SNX29: variants seen among roughly 807,000 people sequenced by gnomAD.
SNX29 encodes sorting nexin 29, also known as sorting nexin-29.
In SNX29, 78 loss-of-function variants were observed where a neutral mutation model predicts 102.1. That is an observed-to-expected ratio of 0.76 (90% CI 0.64 to 0.92). SNX29 has a LOEUF of 0.92. Among genes scored for constraint, SNX29 ranks in the 40% least tolerant of loss-of-function variants. SNX29 has a pLI of 0.00. For synonymous variants in SNX29, 580 were observed against 414.5 expected (o/e 1.40, Z -4.85); for missense variants, 1,280 against 1,061.7 (o/e 1.21, Z -2.86).
At chr16:12,522,927 C>T (rs552270788) in intron 19 of SNX29, among the ~76,000 whole-genome samples, 1 of 152,358 alleles carries the variant, frequency 6.6e-6, no homozygotes, top group East Asian at 1.9e-4. Context: ...CCTCCTGCTG[C>T]AGCCACCCAT....
intron 20 of SNX29, among the ~76,000 whole-genome samples, chr16:12,567,745 G>A (rs1040099429): frequency 2.0e-5 from 3 of 152,292 alleles, no homozygotes; most frequent in Admixed American, 6.5e-5. Context: ...ACCTGGGCAA[G>A]AGTCGAGACT....
At chr16:12,292,125 C>T (rs1219496236) in intron 15 of SNX29, among the ~76,000 whole-genome samples, 1 of 152,070 alleles carries the variant, frequency 6.6e-6, no homozygotes, top group African/African-American at 2.4e-5. Flanking sequence ...CTGGGCTTTG[C>T]AGGTAGAATA....
At chr16:12,430,762 G>T (rs1004815558) in intron 18 of SNX29, among the ~76,000 whole-genome samples, 1 of 152,124 alleles carries the variant, frequency 6.6e-6, no homozygotes, top group African/African-American at 2.4e-5. Context: ...TAGAGAAGCT[G>T]CGGTGGGAGA....
chr16:12,439,936 G>T (rs780670573), intron 18 of SNX29, among the ~76,000 whole-genome samples: 1 of 152,182 alleles, frequency 6.6e-6, no homozygotes, highest in Non-Finnish European at 1.5e-5. Flanking sequence ...GGTTCAGCTG[G>T]CTGGCCAAAC....
rs139022380 is a variant in SNX29 at position 12,328,254 on chromosome 16, A to G, written c.1783-27909A>G. ...TTATTTTACTACTACTGTTTGTATTACCCTCAGCCAGCGATGTTTCTAGCT... is the reference window on the plus strand; with the variant it reads ...TTATTTTACTACTACTGTTTGTATTGCCCTCAGCCAGCGATGTTTCTAGCT... On this transcript the variant is annotated intron_variant, in intron 15 of 20. Coordinates refer to ENST00000566228, the MANE Select transcript of SNX29 (RefSeq NM_032167.5). Among the ~76,000 whole-genome samples the G allele has an allele frequency of 8.2e-3, 1,253 of 152,242 alleles. 20 individuals carry two copies. The highest frequency in any genetic ancestry group is 0.028 in the African/African-American group (1,151 of 41,554).
At chr16:12,087,711 A>C (rs767846619) in intron 11 of SNX29, 1 of 384,128 alleles carries the variant, frequency 2.6e-6, no homozygotes, top group Non-Finnish European at 5.2e-6. Context: ...TACAGGCATT[A>C]CTGGTCCATT....
At chr16:12,554,997 T>C (rs745621079) in intron 20 of SNX29, among the ~76,000 whole-genome samples, 2 of 151,898 alleles carry the variant, frequency 1.3e-5, no homozygotes, top group Admixed American at 6.6e-5. Flanking sequence ...GCACCTTTCT[T>C]TCTTGCAGAG....
chr16:12,074,496 A>C (rs1294922643), intron 10 of SNX29, among the ~76,000 whole-genome samples: 1 of 151,076 alleles, frequency 6.6e-6, no homozygotes, highest in Non-Finnish European at 1.5e-5. Flanking sequence ...ATTGGCCCCC[A>C]CTCTCTTCTG....
chr16:12,321,199 C>A (rs1596897885), intron 15 of SNX29, among the ~76,000 whole-genome samples: 1 of 152,158 alleles, frequency 6.6e-6, no homozygotes, highest in Non-Finnish European at 1.5e-5. Flanking sequence ...ACCACAGTTA[C>A]CACTCCTGCT....
intron 18 of SNX29, among the ~76,000 whole-genome samples, chr16:12,407,487 G>A (rs970348482): frequency 2.0e-5 from 3 of 152,124 alleles, no homozygotes; most frequent in Non-Finnish European, 2.9e-5. Flanking sequence ...ATAAACAATC[G>A]TGAAAACAGT....
intron 11 of SNX29, among the ~76,000 whole-genome samples, chr16:12,093,412 C>G (rs1370661368): frequency 6.7e-6 from 1 of 148,794 alleles, no homozygotes; most frequent in Non-Finnish European, 1.5e-5. Flanking sequence ...GAGTTCAAAA[C>G]CAGCCTGGGC....
intron 4 of SNX29, among the ~76,000 whole-genome samples, chr16:12,037,786 C>G (rs1381205818): frequency 6.6e-6 from 1 of 150,694 alleles, no homozygotes; most frequent in Admixed American, 6.6e-5. Flanking sequence ...ACCCTCGTCT[C>G]TACAGAAAAA....
In SNX29 at chr16:12,255,679, G is replaced by A. The variant is rs566486919; in HGVS notation, c.1679-22254G>A. On this transcript the variant is annotated intron_variant, in intron 14 of 20. Coordinates refer to ENST00000566228, the MANE Select transcript of SNX29 (RefSeq NM_032167.5). ...GTTCACTTAGCATAATATCCTCCAC[G>A]TTTATCCGTGTCATCACAAATGACA... 8.6e-4 allele frequency among the ~76,000 whole-genome samples: 131 copies of A among 152,186 alleles called. 6 individuals are homozygous for A. In the South Asian group the frequency reaches 0.023, roughly 26 times the overall value.
chr16:12,536,354 G>C (rs1320085537), intron 20 of SNX29, among the ~76,000 whole-genome samples: 3 of 152,070 alleles, frequency 2.0e-5, no homozygotes, highest in Non-Finnish European at 4.4e-5. Context: ...CGTACTGTCA[G>C]GGTTGGGGGT....
intron 11 of SNX29, among the ~76,000 whole-genome samples, chr16:12,115,075 G>A (rs901579704): frequency 5.3e-5 from 8 of 152,116 alleles, no homozygotes; most frequent in African/African-American, 1.9e-4. Context: ...TAAGGGACTC[G>A]CTGGTTCCTT....
intron 16 of SNX29, among the ~76,000 whole-genome samples, chr16:12,390,488 C>G (rs2083492116): frequency 6.6e-6 from 1 of 152,134 alleles, no homozygotes; most frequent in Non-Finnish European, 1.5e-5. Flanking sequence ...GCTCTGCAAG[C>G]CCCGGGACTT....
At chr16:12,562,303 G>GT (rs1246101210) in intron 20 of SNX29, among the ~76,000 whole-genome samples, 1 of 152,158 alleles carries the variant, frequency 6.6e-6, no homozygotes, top group African/African-American at 2.4e-5. Flanking sequence ...AAACGTTATC[G>GT]TTGGCTTTGT....
intron 20 of SNX29, among the ~76,000 whole-genome samples, chr16:12,566,348 G>A (rs148327256): frequency 1.2e-3 from 177 of 152,144 alleles, no homozygotes; most frequent in East Asian, 1.9e-3. Context: ...TCACCCCACC[G>A]ACTGCTACCT....
At chr16:12,472,629 C>T (rs2087412559) in intron 18 of SNX29, among the ~76,000 whole-genome samples, 1 of 151,338 alleles carries the variant, frequency 6.6e-6, no homozygotes, top group Non-Finnish European at 1.5e-5. Context: ...GAACAGGGCA[C>T]AGTCAAGTCT....
Sources: allele counts gnomAD v4.1 joint callset (sites outside exome capture counted in the v4.1 genomes callset), GRCh38; gene constraint gnomAD v4.1.1; transcripts MANE v1.5; gene names NCBI Gene and HGNC (gene_info 2026-07-23, HGNC 2026-07-21).